DMC1: variants seen among roughly 807,000 people sequenced by gnomAD.
The protein encoded by DMC1 is meiotic recombination protein DMC1 homolog.
In DMC1, 27 loss-of-function variants were observed where a neutral mutation model predicts 50.1. The observed-to-expected ratio is 0.54, with a 90% CI of 0.40 to 0.74. The LOEUF (loss-of-function observed/expected upper bound fraction) is 0.74, where lower values mean the gene tolerates loss of function less well. Ranked by LOEUF, DMC1 falls within the 30% of genes least tolerant of loss-of-function variation. The pLI is 0.00. For synonymous variants in DMC1, 148 were observed against 136.1 expected (o/e 1.09, Z -0.61); for missense variants, 295 against 420.2 (o/e 0.70, Z 2.60).
At chr22:38,562,406 T>A in intron 4 of DMC1, 37 bp from the exon 5 acceptor site, 1 of 1,419,194 alleles carries the variant, frequency 7.0e-7, no homozygotes, top group Non-Finnish European at 1.0e-6. Flanking sequence ...AAAAAGAGTT[T>A]AAAGATCATG....
intron 13 of DMC1, among the ~76,000 whole-genome samples, chr22:38,521,096 T>C (rs1484047653): frequency 6.6e-6 from 1 of 152,130 alleles, no homozygotes; most frequent in African/African-American, 2.4e-5. Flanking sequence ...GGGTATAATA[T>C]ACTGAGTAGC....
At chr22:38,524,734 A>G (rs1569153232) in intron 12 of DMC1, among the ~76,000 whole-genome samples, 1 of 152,142 alleles carries the variant, frequency 6.6e-6, no homozygotes, top group Non-Finnish European at 1.5e-5. Context: ...GTTCCCTGAA[A>G]CAGTAGAAAA....
intron 12 of DMC1, among the ~76,000 whole-genome samples, chr22:38,523,718 A>T (rs1259450184): frequency 6.6e-6 from 1 of 151,768 alleles, no homozygotes. Flanking sequence ...CAGTGAGCTG[A>T]GATTGCGCCA....
intron 5 of DMC1, 100 bp downstream of exon 5, chr22:38,562,187 G>A: frequency 1.3e-6 from 1 of 787,180 alleles, no homozygotes; most frequent in South Asian, 1.6e-5. Context: ...AAATGAAGAA[G>A]CTACTTCTAC....
intron 8 of DMC1, among the ~76,000 whole-genome samples, chr22:38,548,842 A>C (rs79646385): frequency 1.8e-3 from 242 of 135,954 alleles, no homozygotes; most frequent in African/African-American, 7.5e-3. Flanking sequence ...ACACTGTCTC[A>C]AAAAAAAAAA....
chr22:38,524,577 T>C (rs2090066872), intron 12 of DMC1, among the ~76,000 whole-genome samples: 1 of 152,214 alleles, frequency 6.6e-6, no homozygotes, highest in African/African-American at 2.4e-5. Flanking sequence ...TAAAACTTCC[T>C]TTTTTCTGAT....
chr22:38,566,867 C>T lies in DMC1; in HGVS notation c.97-131G>A. On this transcript the variant is annotated intron_variant, in intron 3 of 13. Coordinates refer to ENST00000216024, the MANE Select transcript of DMC1 (RefSeq NM_007068.4). ...ATTTTATACAAGCTGCCAGGTGGAA[C>T]CCACCCACCATGTAGCCAAATGTTC... The T allele has an allele frequency of 3.4e-6, 3 of 876,494 alleles. No individual in the cohort carries two copies. The South Asian group carries it at 4.2e-5, about 12-fold the overall frequency. 54.3% of individuals were successfully genotyped at this position (876,494 alleles called of 1,614,324 possible).
intron 8 of DMC1, chr22:38,549,575 G>C (rs2090380858): frequency 4.8e-6 from 1 of 209,158 alleles, no homozygotes. Context: ...AGTGAGCCGA[G>C]ATTGCCCCAC....
At chr22:38,552,832 T>A in intron 6 of DMC1, 125 bp from the exon 7 acceptor site, 1 of 703,830 alleles carries the variant, frequency 1.4e-6, no homozygotes, top group Non-Finnish European at 2.5e-6. Flanking sequence ...ATCTTACTTA[T>A]AAAGTATCTC....
At chr22:38,545,124 C>T (rs184041748) in intron 8 of DMC1, among the ~76,000 whole-genome samples, 28 of 151,972 alleles carry the variant, frequency 1.8e-4, no homozygotes, top group Admixed American at 1.7e-3. Context: ...CAGGGAATAA[C>T]AAAACCAGGC....
chr22:38,546,320 T>C (rs1389419516), intron 8 of DMC1, among the ~76,000 whole-genome samples: 2 of 151,402 alleles, frequency 1.3e-5, no homozygotes, highest in Admixed American at 1.3e-4. Flanking sequence ...ACCTGGGAGA[T>C]GGAGGTTGTA....
At chr22:38,554,527 C>G (rs760087576) in intron 6 of DMC1, among the ~76,000 whole-genome samples, 1 of 151,432 alleles carries the variant, frequency 6.6e-6, no homozygotes, top group Non-Finnish European at 1.5e-5. Context: ...TGTAGCTATG[C>G]ATGAATTGCT....
At chr22:38,523,071 C>A (rs557428311) in intron 12 of DMC1, among the ~76,000 whole-genome samples, 2 of 152,110 alleles carry the variant, frequency 1.3e-5, no homozygotes, top group Non-Finnish European at 2.9e-5. Context: ...TAGTGAGGCC[C>A]TCTTAAAAAC....
chr22:38,527,020 G>A (rs142056554), intron 12 of DMC1, among the ~76,000 whole-genome samples: 9 of 152,184 alleles, frequency 5.9e-5, no homozygotes, highest in Non-Finnish European at 7.4e-5. Flanking sequence ...CAATTCACTG[G>A]AGAAATGGAT....
intron 8 of DMC1, among the ~76,000 whole-genome samples, chr22:38,546,705 A>C (rs2090348034): frequency 6.6e-6 from 1 of 152,330 alleles, no homozygotes; most frequent in Middle Eastern, 3.4e-3. Flanking sequence ...TAAATTGAGT[A>C]ATTAGGGAAG....
At chr22:38,542,150 A>G (rs1265449361) in intron 8 of DMC1, among the ~76,000 whole-genome samples, 1 of 150,482 alleles carries the variant, frequency 6.6e-6, no homozygotes. Context: ...GATCTGGAAC[A>G]AGTATGCCCA....
chr22:38,533,041 T>C (rs1196997078), intron 12 of DMC1, among the ~76,000 whole-genome samples: 1 of 152,082 alleles, frequency 6.6e-6, no homozygotes, highest in Non-Finnish European at 1.5e-5. Context: ...CTTAATAACA[T>C]TTGAGTAGTT....
chr22:38,542,220 G>A (rs1009135729), intron 8 of DMC1, among the ~76,000 whole-genome samples: 3 of 151,372 alleles, frequency 2.0e-5, no homozygotes, highest in African/African-American at 7.3e-5. Context: ...TCAGACAAGA[G>A]AAATAAATAA....
chr22:38,568,143 G>C (rs1277931275), intron 2 of DMC1, 63 bp downstream of exon 2: 2 of 1,436,268 alleles, frequency 1.4e-6, no homozygotes, highest in African/African-American at 1.4e-5. Context: ...AGCTAACAGG[G>C]AAGGAACTTG....
Sources: gnomAD v4.1 joint callset for allele counts (sites outside exome capture counted in the v4.1 genomes callset) on GRCh38, gnomAD v4.1.1 for gene constraint, MANE v1.5 for transcripts, NCBI Gene and HGNC (gene_info 2026-07-23, HGNC 2026-07-21) for gene names.